Variants in SLC25A21 observed in about 807,000 individuals in gnomAD.
The protein encoded by SLC25A21 is solute carrier family 25 member 21.
Under a neutral mutation model 43.8 loss-of-function variants are expected in SLC25A21, and 47 were observed. That is an observed-to-expected ratio of 1.07 (90% confidence interval 0.85 to 1.37). The LOEUF is 1.37. Ranked by LOEUF, SLC25A21 falls within the 40% of genes most tolerant of loss-of-function variation. SLC25A21 has a pLI of 0.00. For synonymous variants in SLC25A21, 131 were observed against 121.3 expected (o/e 1.08, Z -0.52); for missense variants, 352 against 350.2 (o/e 1.00, Z -0.04).
chr14:36,734,648 C>T (rs1884961270), intron 3 of SLC25A21, 75 bp from the exon 4 acceptor site: 2 of 1,117,648 alleles, frequency 1.8e-6, no homozygotes, highest in East Asian at 5.1e-5. Flanking sequence ...TTAAGATAAT[C>T]CTAAAGTATT....
chr14:36,803,605 T>C (rs1377040329), intron 3 of SLC25A21, among the ~76,000 whole-genome samples: 1 of 152,206 alleles, frequency 6.6e-6, no homozygotes, highest in Non-Finnish European at 1.5e-5. Context: ...CTTTATCTCA[T>C]TTTTTGTCAT....
At position 36,753,919 on chromosome 14, in the gene SLC25A21, C is replaced by CAGAGAAAG. The variant is rs1885812781; in HGVS notation, c.204-19347_204-19346insCTTTCTCT. On this transcript the variant is annotated intron_variant, in intron 3 of 9. Coordinates refer to ENST00000331299, the MANE Select transcript of SLC25A21 (RefSeq NM_030631.4). ...CTTGAGATGGCTCTCTCACTGGGGA[C>CAGAGAAAG]AGAGAGAGAGAGAGAGAGAGAGAGA... Among the ~76,000 whole-genome samples, 4 of 130,108 alleles carry CAGAGAAAG rather than the reference C, an allele frequency of 3.1e-5. No individual in the cohort carries two copies. The South Asian group carries it at 1.2e-3, about 39-fold the overall frequency. 85.4% of individuals were successfully genotyped at this position (130,108 alleles called of 152,430 possible). A position where few individuals can be genotyped will look rare whatever the true frequency, so the allele number is the denominator to read the frequency against.
intron 3 of SLC25A21, among the ~76,000 whole-genome samples, chr14:36,785,803 A>C (rs772487492): frequency 4.1e-4 from 62 of 152,276 alleles, no homozygotes; most frequent in Admixed American, 8.5e-4. Flanking sequence ...ACCTGTGGAA[A>C]ATTGATGTTT....
chr14:37,067,341 G>A (rs888066774), intron 1 of SLC25A21, among the ~76,000 whole-genome samples: 2 of 152,134 alleles, frequency 1.3e-5, no homozygotes, highest in African/African-American at 4.8e-5. Flanking sequence ...GCATCAGTTT[G>A]ACAGCTGACT....
chr14:37,030,486 C>T (rs892366620), intron 1 of SLC25A21, among the ~76,000 whole-genome samples: 2 of 151,382 alleles, frequency 1.3e-5, no homozygotes, highest in African/African-American at 4.9e-5. Flanking sequence ...TTCATGAGTT[C>T]CAGCTTGGGA....
chr14:37,030,127 T>C (rs1160580702), intron 1 of SLC25A21, among the ~76,000 whole-genome samples: 1 of 152,170 alleles, frequency 6.6e-6, no homozygotes, highest in Non-Finnish European at 1.5e-5. Flanking sequence ...ACACTTTGTA[T>C]ATGTATTATA....
chr14:36,745,830 G>T (rs534850591), intron 3 of SLC25A21, among the ~76,000 whole-genome samples: 1 of 152,040 alleles, frequency 6.6e-6, no homozygotes, highest in African/African-American at 2.4e-5. Flanking sequence ...AGACATACAC[G>T]TGGCCATCAA....
chr14:36,761,872 T>C (rs904494576), intron 3 of SLC25A21, among the ~76,000 whole-genome samples: 8 of 152,244 alleles, frequency 5.3e-5, no homozygotes, highest in Non-Finnish European at 1.0e-4. Flanking sequence ...GTATAGATAG[T>C]ATCTGGGTTT....
intron 2 of SLC25A21, among the ~76,000 whole-genome samples, chr14:36,830,225 T>C (rs1452901293): frequency 6.6e-6 from 1 of 152,218 alleles, no homozygotes; most frequent in Non-Finnish European, 1.5e-5. Flanking sequence ...ATTTACTCTT[T>C]CACATTTTTT....
chr14:36,810,848 G>A (rs142999191), intron 3 of SLC25A21, among the ~76,000 whole-genome samples: 13 of 53,780 alleles, frequency 2.4e-4, no homozygotes, highest in East Asian at 5.2e-4. Context: ...AGGATGGTGC[G>A]TGCTATATTT....
intron 1 of SLC25A21, among the ~76,000 whole-genome samples, chr14:36,944,497 T>C (rs539966217): frequency 6.4e-4 from 98 of 152,246 alleles, no homozygotes; most frequent in African/African-American, 2.2e-3. Flanking sequence ...TCACAGATAG[T>C]GAGAGGATCT....
At chr14:37,040,264 G>GGA (rs1961422994) in intron 1 of SLC25A21, among the ~76,000 whole-genome samples, 2 of 622 alleles carry the variant, frequency 3.2e-3, no homozygotes, top group African/African-American at 4.2e-3. Context: ...GGGAGGGAGG[G>GGA]AGGGAGGAAG....
At chr14:36,945,462 C>T (rs1892658473) in intron 1 of SLC25A21, among the ~76,000 whole-genome samples, 2 of 152,054 alleles carry the variant, frequency 1.3e-5, no homozygotes, top group South Asian at 2.1e-4. Context: ...AGAAGCAACC[C>T]GTGTTCATCG....
At chr14:37,115,015 T>C (rs564096333) in intron 1 of SLC25A21, among the ~76,000 whole-genome samples, 2 of 152,244 alleles carry the variant, frequency 1.3e-5, no homozygotes, top group African/African-American at 4.8e-5. Context: ...AATAGTGACA[T>C]TTGTACCCAA....
At chr14:36,797,582 G>A (rs918395599) in intron 3 of SLC25A21, among the ~76,000 whole-genome samples, 2 of 152,114 alleles carry the variant, frequency 1.3e-5, no homozygotes, top group African/African-American at 2.4e-5. Context: ...AAGTTCATAT[G>A]GCCCATGTAA....
chr14:37,044,807 T>A (rs1214159242), intron 1 of SLC25A21, among the ~76,000 whole-genome samples: 1 of 152,174 alleles, frequency 6.6e-6, no homozygotes, highest in Admixed American at 6.5e-5. Context: ...GATCTCCAAC[T>A]TTTTTGGTTT....
chr14:36,764,170 AAG>A (rs1886301249), intron 3 of SLC25A21, among the ~76,000 whole-genome samples: 1 of 73,512 alleles, frequency 1.4e-5, no homozygotes, highest in African/African-American at 7.4e-5. Context: ...GAAAGAAAGA[AAG>A]AAAGAAAGAA....
chr14:37,044,344 A>C (rs1423169721), intron 1 of SLC25A21, among the ~76,000 whole-genome samples: 1 of 152,166 alleles, frequency 6.6e-6, no homozygotes, highest in Non-Finnish European at 1.5e-5. Flanking sequence ...AGAAAAGAAA[A>C]ATACAAATAT....
chr14:36,705,176 G>C (rs558857859), intron 7 of SLC25A21, among the ~76,000 whole-genome samples: 34 of 151,684 alleles, frequency 2.2e-4, no homozygotes, highest in African/African-American at 8.0e-4. Flanking sequence ...AAGTAGCTGG[G>C]ACTACTGGCG....
Sources: allele counts gnomAD v4.1 joint callset (sites outside exome capture counted in the v4.1 genomes callset), GRCh38; gene constraint gnomAD v4.1.1; transcripts MANE v1.5; gene names NCBI Gene and HGNC (gene_info 2026-07-23, HGNC 2026-07-21).